SLIT3: variants seen among roughly 807,000 people sequenced by gnomAD.
SLIT3 encodes slit guidance ligand 3.
Under a neutral mutation model 184.0 loss-of-function variants are expected in SLIT3, and 68 were observed. The ratio of observed to expected loss-of-function variants is 0.37; its 90% CI spans 0.30 to 0.45. The LOEUF is 0.45. Ranked by LOEUF, SLIT3 falls within the 20% of genes least tolerant of loss-of-function variation. The pLI, the probability that SLIT3 is intolerant of heterozygous loss-of-function variation, is 1.00. For synonymous variants in SLIT3, 831 were observed against 828.6 expected (o/e 1.00, Z -0.05); for missense variants, 1,707 against 2,026.0 (o/e 0.84, Z 3.02).
chr5:168,672,271 C>T (rs73802361), intron 33 of SLIT3, among the ~76,000 whole-genome samples: 2 of 152,226 alleles, frequency 1.3e-5, no homozygotes, highest in African/African-American at 2.4e-5. Context: ...TTTCCCTGGC[C>T]TCCCTACATC....
intron 4 of SLIT3, among the ~76,000 whole-genome samples, chr5:168,902,531 G>T (rs765980727): frequency 5.3e-5 from 8 of 152,198 alleles, no homozygotes; most frequent in Non-Finnish European, 1.2e-4. Context: ...TGCAAGGGAA[G>T]GGTGTGTGTT....
At position 168,664,293 on chromosome 5, in the gene SLIT3, G is replaced by A. The variant is rs776027961; in HGVS notation, c.*2161C>T. 1 of 152,150 alleles carries A rather than the reference G, an allele frequency of 6.6e-6. No homozygotes were observed. Among genetic ancestry groups the A allele is most frequent in the Admixed American group, 6.5e-5 (1 of 15,274 alleles). The allele number at this position is 152,150 out of a possible 1,614,324, so 9.4% of individuals were successfully genotyped here. A position where few individuals can be genotyped will look rare whatever the true frequency, so the allele number is the denominator to read the frequency against. The stretch of plus-strand genomic sequence containing the variant: ...TTTGGGAGACTGAGGCAGGAAGATG[G>A]CTTGAGCCTAGGAGGTTGAGGCTGC... On this transcript the variant is annotated 3_prime_UTR_variant, in exon 36 of 36. Transcript: ENST00000519560.
At chr5:169,294,926 C>G (rs1767456653) in intron 1 of SLIT3, among the ~76,000 whole-genome samples, 1 of 152,122 alleles carries the variant, frequency 6.6e-6, no homozygotes, top group Admixed American at 6.5e-5. Flanking sequence ...AAGGTACCAT[C>G]AAAGTATGGT....
chr5:169,104,715 C>T (rs1038272619), intron 4 of SLIT3, among the ~76,000 whole-genome samples: 35 of 152,330 alleles, frequency 2.3e-4, no homozygotes, highest in African/African-American at 8.4e-4. Flanking sequence ...CACTCACCCC[C>T]ATGTCTGGTC....
intron 4 of SLIT3, among the ~76,000 whole-genome samples, chr5:168,969,420 A>G (rs10053973): frequency 0.064 from 9,698 of 152,266 alleles, 372 homozygotes; most frequent in African/African-American, 0.096. Flanking sequence ...AAAATAGACA[A>G]AGCTAACCTG....
At chr5:169,023,910 A>G (rs1402335675) in intron 4 of SLIT3, 1 of 151,950 alleles carries the variant, frequency 6.6e-6, no homozygotes, top group Admixed American at 6.6e-5. Flanking sequence ...AGGGAAAGAA[A>G]TTTTTTTCTT....
intron 3 of SLIT3, among the ~76,000 whole-genome samples, chr5:169,242,924 CA>C (rs1765453153): frequency 6.6e-6 from 1 of 151,950 alleles, no homozygotes; most frequent in Admixed American, 6.6e-5. Context: ...AGGCTACTCT[CA>C]GGGCCCTTAC....
intron 4 of SLIT3, among the ~76,000 whole-genome samples, chr5:169,004,069 TTTC>T (rs1215523213): frequency 6.6e-6 from 1 of 152,188 alleles, no homozygotes; most frequent in East Asian, 1.9e-4. Flanking sequence ...AGGCCCTTCT[TTTC>T]TTATCTGTTT....
intron 4 of SLIT3, among the ~76,000 whole-genome samples, chr5:168,965,173 C>A (rs895907857): frequency 1.3e-5 from 2 of 152,300 alleles, no homozygotes; most frequent in East Asian, 3.9e-4. Flanking sequence ...TGATCTCCTT[C>A]ATTTAGGGTA....
rs145190856 is a variant in SLIT3 at position 169,030,813 on chromosome 5, G to A, written c.414-147477C>T. ...TTAATGGTAAGAAAACTGAAGTTTGGCCAATAAAAGCAACTTATTGGCTCG... is the reference window on the plus strand; with the variant it reads ...TTAATGGTAAGAAAACTGAAGTTTGACCAATAAAAGCAACTTATTGGCTCG... On this transcript the variant is annotated intron_variant, in intron 4 of 35. Coordinates refer to ENST00000519560, the MANE Select transcript of SLIT3 (RefSeq NM_003062.4). Among the ~76,000 whole-genome samples the A allele has an allele frequency of 2.7e-3, 408 of 152,236 alleles. 4 individuals are homozygous for A. The highest frequency in any genetic ancestry group is 9.6e-3 in the African/African-American group (399 of 41,516).
At chr5:169,068,555 G>C (rs984476932) in intron 4 of SLIT3, among the ~76,000 whole-genome samples, 11 of 152,170 alleles carry the variant, frequency 7.2e-5, no homozygotes, top group Admixed American at 1.3e-4. Context: ...AAAGCAAAGA[G>C]AGAAAATTTC....
chr5:169,142,834 T>C (rs769970210), intron 4 of SLIT3, among the ~76,000 whole-genome samples: 1 of 152,214 alleles, frequency 6.6e-6, no homozygotes, highest in Non-Finnish European at 1.5e-5. Context: ...GTCCACGTGA[T>C]AGGCATGTAC....
At chr5:168,770,961 A>G (rs1379408962) in intron 14 of SLIT3, among the ~76,000 whole-genome samples, 1 of 150,124 alleles carries the variant, frequency 6.7e-6, no homozygotes, top group Non-Finnish European at 1.5e-5. Flanking sequence ...GGGAGATACC[A>G]GTCCTTGGAT....
At chr5:168,787,701 C>T (rs1488664939) in intron 11 of SLIT3, among the ~76,000 whole-genome samples, 6 of 152,256 alleles carry the variant, frequency 3.9e-5, no homozygotes, top group East Asian at 1.9e-4. Context: ...AGTGTAGTAA[C>T]GTTACATGGC....
chr5:168,893,918 G>A (rs887462712), intron 4 of SLIT3, among the ~76,000 whole-genome samples: 1 of 152,084 alleles, frequency 6.6e-6, no homozygotes, highest in Non-Finnish European at 1.5e-5. Context: ...AAAATTAAGG[G>A]GATGGGGAGT....
At chr5:169,115,506 C>T (rs967413719) in intron 4 of SLIT3, among the ~76,000 whole-genome samples, 5 of 152,072 alleles carry the variant, frequency 3.3e-5, no homozygotes, top group Admixed American at 6.5e-5. Context: ...AATATGCACA[C>T]GAGGAAACTG....
At chr5:168,684,139 G>A (rs780113269) in intron 31 of SLIT3, 43 bp from the exon 32 acceptor site, 1 of 1,500,176 alleles carries the variant, frequency 6.7e-7, no homozygotes, top group Non-Finnish European at 9.0e-7. Context: ...GCTTACCTGA[G>A]ACTGAACCTT....
chr5:168,706,836 C>T (rs2113302761), intron 26 of SLIT3: 1 of 152,402 alleles, frequency 6.6e-6, no homozygotes, highest in East Asian at 1.9e-4. Context: ...GAGGCTGCCT[C>T]TAAGCCTGTC....
At chr5:168,977,492 G>T (rs1348916986) in intron 4 of SLIT3, among the ~76,000 whole-genome samples, 1 of 152,150 alleles carries the variant, frequency 6.6e-6, no homozygotes, top group African/African-American at 2.4e-5. Flanking sequence ...CAATCCAGAT[G>T]CCCTACCTTG....
Sources: allele counts gnomAD v4.1 joint callset (sites outside exome capture counted in the v4.1 genomes callset), GRCh38; gene constraint gnomAD v4.1.1; transcripts MANE v1.5; gene names NCBI Gene and HGNC (gene_info 2026-07-23, HGNC 2026-07-21).